PCDH11Y: variants seen among roughly 807,000 people sequenced by gnomAD.
The protein encoded by PCDH11Y is protocadherin-11 Y-linked.
For missense variants in PCDH11Y, 12 were observed against 224.8 expected, an observed-to-expected ratio of 0.05 and a Z score of 6.05; for synonymous variants, 9 against 83.6, an observed-to-expected ratio of 0.11 and a Z score of 4.87.
chrY:5,146,190 G>A, intron 2 of PCDH11Y, among the ~76,000 whole-genome samples: 1 of 33,765 alleles, frequency 3.0e-5, no homozygotes, highest in Non-Finnish European at 7.4e-5. Context: ...TCTAATGCCT[G>A]ATTATCTGAA....
At chrY:5,213,868 C>T (rs2052942295) in intron 2 of PCDH11Y, among the ~76,000 whole-genome samples, 1 of 32,386 alleles carries the variant, frequency 3.1e-5, no homozygotes, top group African/African-American at 1.2e-4. Context: ...GCCTGTAATC[C>T]CAGCACTTTG....
At chrY:5,385,000 CT>C (rs2053210812) in intron 2 of PCDH11Y, among the ~76,000 whole-genome samples, 1 of 30,674 alleles carries the variant, frequency 3.3e-5, no homozygotes, top group African/African-American at 1.3e-4. Flanking sequence ...CTACTGGGGC[CT>C]TAGTGCAGGA....
chrY:5,660,286 G>A (rs1313068261), intron 4 of PCDH11Y, among the ~76,000 whole-genome samples: 1 of 31,774 alleles, frequency 3.1e-5, no homozygotes, highest in African/African-American at 1.2e-4. Context: ...CCTAGGTCAC[G>A]TGCCACTTGA....
intron 2 of PCDH11Y, among the ~76,000 whole-genome samples, chrY:5,242,720 G>T: frequency 3.2e-5 from 1 of 31,349 alleles, no homozygotes; most frequent in African/African-American, 1.3e-4. Flanking sequence ...ACTGGAAAAA[G>T]ATTATCTGAA....
chrY:5,366,481 A>C, intron 2 of PCDH11Y, among the ~76,000 whole-genome samples: 1 of 33,196 alleles, frequency 3.0e-5, no homozygotes, highest in South Asian at 6.5e-4. Flanking sequence ...AGATGGAACT[A>C]TTCACCCCAT....
chrY:5,441,139 A>G, intron 2 of PCDH11Y, among the ~76,000 whole-genome samples: 1 of 32,484 alleles, frequency 3.1e-5, no homozygotes, highest in African/African-American at 1.2e-4. Flanking sequence ...TAGAGCATGT[A>G]TATCTGATAT....
chrY:5,385,383 G>C, intron 2 of PCDH11Y, among the ~76,000 whole-genome samples: 1 of 30,365 alleles, frequency 3.3e-5, no homozygotes, highest in African/African-American at 1.3e-4. Flanking sequence ...GCTTATGAGT[G>C]AGAACATAGG....
intron 2 of PCDH11Y, among the ~76,000 whole-genome samples, chrY:5,449,038 C>T: frequency 3.0e-5 from 1 of 32,806 alleles, no homozygotes; most frequent in East Asian, 8.3e-4. Context: ...TTTATGTTAT[C>T]GGTAAGGCTT....
intron 3 of PCDH11Y, among the ~76,000 whole-genome samples, chrY:5,511,520 T>G (rs1602936185): frequency 3.4e-4 from 11 of 32,732 alleles, no homozygotes; most frequent in African/African-American, 8.4e-4. Flanking sequence ...CCCTCAGGGT[T>G]TCAAAGGATA....
intron 2 of PCDH11Y, among the ~76,000 whole-genome samples, chrY:5,472,206 T>C: frequency 3.0e-5 from 1 of 32,927 alleles, no homozygotes. Context: ...TACTACATCA[T>C]ACATATTTAA....
At chrY:5,044,338 A>T (rs2052627345) in intron 3 of PCDH11Y, among the ~76,000 whole-genome samples, 2 of 33,175 alleles carry the variant, frequency 6.0e-5, no homozygotes, top group Non-Finnish European at 1.5e-4. Flanking sequence ...TTCAAAGAAC[A>T]TCTTTATTTC....
intron 2 of PCDH11Y, among the ~76,000 whole-genome samples, chrY:5,359,791 G>C (rs2053172688): frequency 5.5e-4 from 18 of 32,839 alleles, no homozygotes; most frequent in Admixed American, 1.5e-3. Flanking sequence ...TTTTATAGTG[G>C]AATCATGTTA....
chrY:5,345,954 C>T (rs34325488), intron 2 of PCDH11Y, among the ~76,000 whole-genome samples: 1 of 33,417 alleles, frequency 3.0e-5, no homozygotes, highest in African/African-American at 1.2e-4. Flanking sequence ...TGAGCCACCA[C>T]GCCCCAGCCT....
chrY:5,539,661 T>G, intron 3 of PCDH11Y, among the ~76,000 whole-genome samples: 1 of 32,958 alleles, frequency 3.0e-5, no homozygotes, highest in Non-Finnish European at 7.6e-5. Flanking sequence ...AAGGCACAAT[T>G]TTAACAATAT....
At chrY:5,063,648 A>G in intron 1 of PCDH11Y, among the ~76,000 whole-genome samples, 1 of 32,962 alleles carries the variant, frequency 3.0e-5, no homozygotes, top group Non-Finnish European at 7.5e-5. Context: ...CACAAATTAA[A>G]TTTTAGCCGA....
At chrY:5,046,113 G>A (rs1602848524) in intron 3 of PCDH11Y, among the ~76,000 whole-genome samples, 5 of 33,846 alleles carry the variant, frequency 1.5e-4, no homozygotes, top group Non-Finnish European at 3.0e-4. Context: ...CTCTCAGCTC[G>A]TCAAAGTCAT....
At chrY:5,054,101 T>C, upstream of PCDH11Y, among the ~76,000 whole-genome samples, 1 of 30,887 alleles carries the variant, frequency 3.2e-5, no homozygotes, top group South Asian at 7.5e-4. Flanking sequence ...GTAGAACAGA[T>C]TTAGAATGGA....
intron 2 of PCDH11Y, among the ~76,000 whole-genome samples, chrY:5,440,447 T>G: frequency 6.4e-5 from 2 of 31,469 alleles, no homozygotes. Flanking sequence ...GAGAAGCAGG[T>G]GAAAGTGTGC....
chrY:5,207,704 G>A, intron 2 of PCDH11Y: 1 of 233,373 alleles, frequency 4.3e-6, no homozygotes. Context: ...AGGGTAATGT[G>A]CTCCTGCTTG....
Sources: allele counts gnomAD v4.1 joint callset (sites outside exome capture counted in the v4.1 genomes callset), GRCh38; gene constraint gnomAD v4.1.1; transcripts MANE v1.5; gene names NCBI Gene and HGNC (gene_info 2026-07-23, HGNC 2026-07-21).